The following ADAMDEC1 variants were observed in gnomAD, a reference collection of about 807,000 sequenced individuals.
The protein encoded by ADAMDEC1 is ADAM like decysin 1, also known as ADAM DEC1.
Under a neutral mutation model 60.4 loss-of-function variants are expected in ADAMDEC1, and 62 were observed. The observed-to-expected ratio is 1.03, with a 90% confidence interval of 0.84 to 1.27. The LOEUF is 1.27. ADAMDEC1 is among the 50% of genes most tolerant of loss of function. ADAMDEC1 has a pLI of 0.00. For missense variants in ADAMDEC1, 595 were observed against 565.0 expected, an observed-to-expected ratio of 1.05 and a Z score of -0.54; for synonymous variants, 210 against 195.1, an observed-to-expected ratio of 1.08 and a Z score of -0.64.
chr8:24,401,096 T>C (rs74827409), intron 11 of ADAMDEC1, among the ~76,000 whole-genome samples: 5,755 of 152,154 alleles, frequency 0.038, 159 homozygotes, highest in Non-Finnish European at 0.053. Flanking sequence ...TCCAAATCTT[T>C]AAGAATTCGG....
intron 12 of ADAMDEC1, among the ~76,000 whole-genome samples, chr8:24,403,024 C>G (rs1296059634): frequency 6.6e-6 from 1 of 151,956 alleles, no homozygotes; most frequent in Non-Finnish European, 1.5e-5. Flanking sequence ...CTAGGTACTT[C>G]TGGTTTCAGC....
chr8:24,384,301 T>C lies in ADAMDEC1; in HGVS notation c.-204T>C, dbSNP rs1817237031. The C allele has an allele frequency of 1.9e-6, 1 of 538,608 alleles. No homozygotes were observed. The highest frequency in any genetic ancestry group is 3.3e-6 in the Non-Finnish European group (1 of 305,704). 33.4% of individuals were successfully genotyped at this position (538,608 alleles called of 1,614,324 possible). On this transcript the variant is annotated 5_prime_UTR_variant, in exon 1 of 14. It removes an upstream start codon present in the reference 5' UTR. Coordinates refer to ENST00000256412, the MANE Select transcript of ADAMDEC1 (RefSeq NM_014479.3). The stretch of plus-strand genomic sequence containing the variant: ...ACAGTGTCCAGATGTGAGTCCTCAA[T>C]GAGCTATAACCACAGCCATAAATAT...
chr8:24,386,799 G>A (rs548681584), intron 1 of ADAMDEC1, among the ~76,000 whole-genome samples: 31 of 151,984 alleles, frequency 2.0e-4, no homozygotes, highest in South Asian at 1.0e-3. Flanking sequence ...CTCTCCTGCC[G>A]GGTCTGTCCC....
chr8:24,400,201 G>A lies in ADAMDEC1; in HGVS notation c.1043G>A (p.Gly348Glu), dbSNP rs372619362. Residue 348 changes from glycine (G) to glutamate (E), a missense_variant, in exon 11 of 14, where the codon GGA (glycine) becomes GAA (glutamate). Coordinates refer to ENST00000256412, the MANE Select transcript of ADAMDEC1 (RefSeq NM_014479.3). ...AAAAAGAATAATGTGGCTCTTGTAG[G>A]AGTGATGTCACATGAGCTGGGCCAT... is the stretch of plus-strand genomic sequence containing the variant. ...AKKKNNVALV[G>E]VMSHELGHVL... 7 of 1,605,184 alleles carry A rather than the reference G, an allele frequency of 4.4e-6. No individual in the cohort carries two copies. The highest frequency in any genetic ancestry group is 6.0e-6 in the Non-Finnish European group (7 of 1,176,072).
chr8:24,392,902 T>G (rs1375740899), intron 2 of ADAMDEC1, among the ~76,000 whole-genome samples: 1 of 147,896 alleles, frequency 6.8e-6, no homozygotes, highest in East Asian at 1.9e-4. Flanking sequence ...TTTTTTTTTT[T>G]TTTTTTTTTT....
At chr8:24,386,004 T>C (rs770724845) in intron 1 of ADAMDEC1, among the ~76,000 whole-genome samples, 3 of 152,136 alleles carry the variant, frequency 2.0e-5, no homozygotes, top group Admixed American at 6.5e-5. Flanking sequence ...AAAATACTCA[T>C]AGATACATTT....
chr8:24,401,926 C>T lies in ADAMDEC1; in HGVS notation c.1154C>T (p.Pro385Leu). 6.2e-7 allele frequency: 1 copy of T among 1,608,208 alleles called. No homozygotes were observed. Among genetic ancestry groups the T allele is most frequent in the Non-Finnish European group, 8.5e-7 (1 of 1,178,452 alleles). Residue 385 changes from proline to leucine, a missense_variant, in exon 12 of 14, where the codon CCA becomes CTA. Physicochemically the swap from Pro to Leu is moderately conservative, Grantham distance 98 (BLOSUM62 -3). Coordinates refer to ENST00000256412, the MANE Select transcript of ADAMDEC1 (RefSeq NM_014479.3). ...TCTTCTGATTACAGTTCAAAATTCCCAAAGGATTTCAGTACATCTTGCCGT... is the reference window on the plus strand; with the variant it reads ...TCTTCTGATTACAGTTCAAAATTCCTAAAGGATTTCAGTACATCTTGCCGT... ...VMNQYLSSKF[P>L]KDFSTSCRAH...
At chr8:24,396,290 C>G (rs1403497124) in intron 5 of ADAMDEC1, among the ~76,000 whole-genome samples, 1 of 152,134 alleles carries the variant, frequency 6.6e-6, no homozygotes, top group Non-Finnish European at 1.5e-5. Flanking sequence ...GCGGGCAGAT[C>G]AGGAGGTCAG....
intron 11 of ADAMDEC1, 35 bp downstream of exon 11, chr8:24,400,335 T>G (rs143506329): frequency 6.4e-7 from 1 of 1,563,858 alleles, no homozygotes; most frequent in Non-Finnish European, 8.6e-7. Context: ...AGAGAGATAT[T>G]TTCCAAATCT....
chr8:24,398,657 A>T, intron 8 of ADAMDEC1, 106 bp downstream of exon 8: 1 of 1,017,394 alleles, frequency 9.8e-7, no homozygotes, highest in Non-Finnish European at 1.5e-6. Context: ...CAAATGTCTT[A>T]AGTTAAATAG....
At chr8:24,394,516 T>C (rs1817555518) in intron 4 of ADAMDEC1, among the ~76,000 whole-genome samples, 1 of 152,216 alleles carries the variant, frequency 6.6e-6, no homozygotes, top group Non-Finnish European at 1.5e-5. Flanking sequence ...TACATGCATT[T>C]ATCCTGAGGT....
chr8:24,400,023 A>G (rs1817720429), intron 10 of ADAMDEC1, 147 bp from the exon 11 acceptor site: 2 of 596,524 alleles, frequency 3.4e-6, no homozygotes, highest in Middle Eastern at 4.6e-4. Context: ...ACCACTTTAA[A>G]TGCTCTTTCA....
intron 5 of ADAMDEC1, 38 bp from the exon 6 acceptor site, chr8:24,397,232 G>A (rs374156801): frequency 1.3e-6 from 2 of 1,572,422 alleles, no homozygotes; most frequent in African/African-American, 2.7e-5. Flanking sequence ...GACACTGTGT[G>A]TCAGGAATCC....
chr8:24,397,547 G>A (rs1324688798), intron 6 of ADAMDEC1, 91 bp downstream of exon 6: 8 of 1,492,914 alleles, frequency 5.4e-6, no homozygotes, highest in Non-Finnish European at 7.4e-6. Context: ...AGTAGTATGT[G>A]TATGTGTCAA....
intron 1 of ADAMDEC1, among the ~76,000 whole-genome samples, chr8:24,384,972 T>C (rs1166425262): frequency 1.3e-5 from 2 of 152,224 alleles, no homozygotes; most frequent in Non-Finnish European, 2.9e-5. Context: ...TCATGAATCA[T>C]GGCTGTTTAA....
Position 24,392,296 on chromosome 8 carries a change from C to G in ADAMDEC1, c.123C>G (p.Leu41=), listed in dbSNP as rs1186341692. Residue 41 remains leucine (L), a synonymous_variant, in exon 2 of 14, where the codon CTC becomes CTG. Coordinates refer to ENST00000256412, the MANE Select transcript of ADAMDEC1 (RefSeq NM_014479.3). The part of the protein sequence containing the change: ...IAIKQTPELT[L]HEIVCPKKLH... The stretch of plus-strand genomic sequence containing the variant: ...TAAAGCAAACACCTGAATTAACGCT[C>G]CATGAAATAGTTTGTCCTAAAAAAC... 1 of 1,611,190 alleles carries G rather than the reference C, an allele frequency of 6.2e-7. No homozygotes were observed. The highest frequency in any genetic ancestry group is 1.7e-5 in the Admixed American group (1 of 59,666).
At chr8:24,384,690 G>GACCATA in intron 1 of ADAMDEC1, 98 bp downstream of exon 1, 2 of 1,094,410 alleles carry the variant, frequency 1.8e-6, no homozygotes, top group Non-Finnish European at 2.6e-6. Context: ...TTTTATGGTC[G>GACCATA]AAAGACCATT....
At position 24,400,167 on chromosome 8, in the gene ADAMDEC1, C is replaced by T; in HGVS notation, c.1012-3C>T. 3 of 1,561,784 alleles carry T rather than the reference C, an allele frequency of 1.9e-6. No homozygotes were observed. Among genetic ancestry groups the T allele is most frequent in the Non-Finnish European group, 2.6e-6 (3 of 1,158,634 alleles). ...AATAAATAAATATATCTACTTTTTC[C>T]AGGCTAAAAAAAAGAATAATGTGGC... On this transcript the variant is annotated splice_polypyrimidine_tract_variant and splice_region_variant and intron_variant, in intron 10 of 13. Coordinates refer to ENST00000256412, the MANE Select transcript of ADAMDEC1 (RefSeq NM_014479.3).
rs1427621076 is a variant in ADAMDEC1 at position 24,405,529 on chromosome 8, T to TA, written c.*234dup. 1 of 472,656 alleles carries TA rather than the reference T, an allele frequency of 2.1e-6. No individual in the cohort carries two copies. Among genetic ancestry groups the TA allele is most frequent in the Non-Finnish European group, 3.7e-6 (1 of 269,674 alleles). The allele number at this position is 472,656 out of a possible 1,614,324, so 29.3% of individuals were successfully genotyped here. On this transcript the variant is annotated 3_prime_UTR_variant, in exon 14 of 14. Coordinates refer to ENST00000256412, the MANE Select transcript of ADAMDEC1 (RefSeq NM_014479.3). ...TTTTTTTTTCTTTTTTCTTTTTTTTTAAAGATCATGAATTTGTGACTTAGT... is the reference window on the plus strand; with the variant it reads ...TTTTTTTTTCTTTTTTCTTTTTTTTTAAAAGATCATGAATTTGTGACTTAGT...
Sources: gnomAD v4.1 joint callset for allele counts (sites outside exome capture counted in the v4.1 genomes callset) on GRCh38, gnomAD v4.1.1 for gene constraint, MANE v1.5 for transcripts, NCBI Gene and HGNC (gene_info 2026-07-23, HGNC 2026-07-21) for gene names.